Variants in AKAP13 observed in about 807,000 individuals in gnomAD.
The protein encoded by AKAP13 is A-kinase anchor protein 13.
A neutral mutation model predicts 264.5 loss-of-function variants in AKAP13; 80 were observed. The ratio of observed to expected loss-of-function variants is 0.30; its 90% CI spans 0.25 to 0.36. AKAP13 has a LOEUF of 0.36. Among genes scored for constraint, AKAP13 ranks in the 10% least tolerant of loss-of-function variants. AKAP13 has a pLI of 1.00. For missense variants in AKAP13, 3,712 were observed against 3,435.2 expected (o/e 1.08, Z -2.01); for synonymous variants, 1,380 against 1,250.2 (o/e 1.10, Z -2.19).
intron 5 of AKAP13, among the ~76,000 whole-genome samples, chr15:85,555,837 G>A (rs1347225955): frequency 1.3e-5 from 2 of 152,080 alleles, no homozygotes; most frequent in Admixed American, 6.5e-5. Context: ...CATAAACTGT[G>A]GACACTTGGT....
At chr15:85,715,011 TA>T (rs2086846591) in intron 19 of AKAP13, among the ~76,000 whole-genome samples, 1 of 152,168 alleles carries the variant, frequency 6.6e-6, no homozygotes, top group South Asian at 2.1e-4. Flanking sequence ...GCTTAAATAT[TA>T]AAATATGTAA....
chr15:85,651,144 ACTTACGTATCC>A (rs2082821181), intron 10 of AKAP13, among the ~76,000 whole-genome samples: 1 of 152,230 alleles, frequency 6.6e-6, no homozygotes, highest in Non-Finnish European at 1.5e-5. Flanking sequence ...CTCTGTATAT[ACTTACGTATCC>A]ATACCTGTAT....
chr15:85,646,759 C>A (rs556279870), intron 10 of AKAP13, among the ~76,000 whole-genome samples: 8 of 152,244 alleles, frequency 5.3e-5, no homozygotes, highest in Non-Finnish European at 1.0e-4. Flanking sequence ...TAGAGCCCTT[C>A]CACATGAATC....
At chr15:85,532,636 A>G (rs545125873) in intron 3 of AKAP13, among the ~76,000 whole-genome samples, 1 of 152,326 alleles carries the variant, frequency 6.6e-6, no homozygotes, top group South Asian at 2.1e-4. Context: ...AACAGGGGAA[A>G]TAGTGTTCAT....
chr15:85,595,635 A>AG (rs2079787043), intron 8 of AKAP13, among the ~76,000 whole-genome samples: 1 of 152,240 alleles, frequency 6.6e-6, no homozygotes, highest in East Asian at 1.9e-4. Context: ...ATGTTGTACC[A>AG]CAGGTGGTAT....
intron 2 of AKAP13, among the ~76,000 whole-genome samples, chr15:85,498,798 C>T (rs2075962175): frequency 6.6e-6 from 1 of 152,150 alleles, no homozygotes; most frequent in Non-Finnish European, 1.5e-5. Flanking sequence ...CAACCAGCAG[C>T]CACAGGCATG....
Position 85,560,065 on chromosome 15 carries a change from C to T in AKAP13, c.663-15066C>T, listed in dbSNP as rs557640782. On this transcript the variant is annotated intron_variant, in intron 5 of 36. Coordinates refer to ENST00000394518, the MANE Select transcript of AKAP13 (RefSeq NM_007200.5). The stretch of plus-strand genomic sequence containing the variant: ...ATTGGAGCCTAAGCGCAGATGTCTG[C>T]GTCATGGTTTATTACTCCTGTGTTC... Among the ~76,000 whole-genome samples the T allele has an allele frequency of 1.5e-3, 196 of 129,670 alleles. 1 individual carries two copies. Among genetic ancestry groups the T allele is most frequent in the Middle Eastern group, 4.6e-3 (1 of 218 alleles). 85.1% of individuals were successfully genotyped at this position (129,670 alleles called of 152,430 possible).
At chr15:85,421,802 A>G (rs1365554477) in intron 1 of AKAP13, among the ~76,000 whole-genome samples, 2 of 152,226 alleles carry the variant, frequency 1.3e-5, no homozygotes, top group African/African-American at 2.4e-5. Flanking sequence ...TTCTACTAAA[A>G]GTTTATTTTC....
chr15:85,645,607 C>G (rs182339352), intron 9 of AKAP13, among the ~76,000 whole-genome samples: 1 of 152,074 alleles, frequency 6.6e-6, no homozygotes, highest in African/African-American at 2.4e-5. Flanking sequence ...CTATTTCAAC[C>G]TAGAATTGGA....
chr15:85,503,562 C>G (rs1215342256), intron 2 of AKAP13, among the ~76,000 whole-genome samples: 1 of 152,162 alleles, frequency 6.6e-6, no homozygotes, highest in Non-Finnish European at 1.5e-5. Context: ...ACTTGACCTG[C>G]TGGGCTCCGT....
intron 1 of AKAP13, among the ~76,000 whole-genome samples, chr15:85,394,606 C>T (rs1231069052): frequency 2.0e-5 from 3 of 152,186 alleles, no homozygotes; most frequent in African/African-American, 7.2e-5. Context: ...AACTGCTTGT[C>T]ACCTGATTCC....
At chr15:85,520,800 T>C (rs957465087) in intron 2 of AKAP13, 6 of 484,246 alleles carry the variant, frequency 1.2e-5, no homozygotes, top group African/African-American at 1.2e-4. Context: ...AGAAATGTGG[T>C]ATTAGGTGAT....
chr15:85,456,774 T>C (rs1254652721), intron 1 of AKAP13, among the ~76,000 whole-genome samples: 1 of 152,150 alleles, frequency 6.6e-6, no homozygotes, highest in African/African-American at 2.4e-5. Context: ...ATGGTCTTGA[T>C]CCACTTTCTA....
intron 27 of AKAP13, 26 bp downstream of exon 27, chr15:85,726,512 T>C (rs2087622614): frequency 3.2e-6 from 5 of 1,576,182 alleles, no homozygotes; most frequent in South Asian, 1.1e-5. Flanking sequence ...ATTTTTGTAA[T>C]AGTATTATAA....
intron 30 of AKAP13, among the ~76,000 whole-genome samples, chr15:85,732,759 C>T (rs577169184): frequency 6.7e-6 from 1 of 149,790 alleles, no homozygotes; most frequent in African/African-American, 2.4e-5. Flanking sequence ...TTACTAATTA[C>T]TATTGCTAAT....
At chr15:85,458,376 T>C (rs919629838) in intron 1 of AKAP13, among the ~76,000 whole-genome samples, 2 of 139,836 alleles carry the variant, frequency 1.4e-5, no homozygotes, top group South Asian at 4.4e-4. Context: ...TCTCTTTTTT[T>C]GTATTTTTTG....
chr15:85,455,375 A>C (rs1414423794), intron 1 of AKAP13, among the ~76,000 whole-genome samples: 1 of 152,186 alleles, frequency 6.6e-6, no homozygotes, highest in African/African-American at 2.4e-5. Flanking sequence ...TATAGGGTTG[A>C]GGATGGCAAC....
intron 13 of AKAP13, 79 bp downstream of exon 13, chr15:85,664,834 T>TAGAAGGC: frequency 7.5e-7 from 1 of 1,340,640 alleles, no homozygotes; most frequent in Middle Eastern, 2.3e-4. Flanking sequence ...TCTGGTAGTA[T>TAGAAGGC]AAGGCTAGTA....
At chr15:85,475,808 C>G (rs1487634694) in intron 1 of AKAP13, among the ~76,000 whole-genome samples, 1 of 152,128 alleles carries the variant, frequency 6.6e-6, no homozygotes, top group Non-Finnish European at 1.5e-5. Flanking sequence ...GGATCCCTTG[C>G]CATCAAACTA....
Sources: gnomAD v4.1 joint callset for allele counts (sites outside exome capture counted in the v4.1 genomes callset) on GRCh38, gnomAD v4.1.1 for gene constraint, MANE v1.5 for transcripts, NCBI Gene and HGNC (gene_info 2026-07-23, HGNC 2026-07-21) for gene names.